ABLIM1: variants seen among roughly 807,000 people sequenced by gnomAD.
ABLIM1 encodes the protein actin-binding LIM protein 1.
Under a neutral mutation model 107.0 loss-of-function variants are expected in ABLIM1, and 40 were observed. The observed-to-expected ratio is 0.37, with a 90% CI of 0.29 to 0.49. The LOEUF is 0.49. Among genes scored for constraint, ABLIM1 ranks in the 20% least tolerant of loss-of-function variants. The pLI is 0.97. For missense variants in ABLIM1, 857 were observed against 1,008.5 expected (o/e 0.85, Z 2.04); for synonymous variants, 357 against 357.3 (o/e 1.00, Z 0.01).
At chr10:114,731,712 C>A (rs183351991) in intron 1 of ABLIM1, among the ~76,000 whole-genome samples, 6 of 152,022 alleles carry the variant, frequency 3.9e-5, no homozygotes, top group African/African-American at 1.4e-4. Flanking sequence ...TAGGTTCAAG[C>A]GATTCTCCTG....
intron 4 of ABLIM1, among the ~76,000 whole-genome samples, chr10:114,553,192 T>C (rs1240010109): frequency 1.3e-5 from 2 of 152,044 alleles, no homozygotes; most frequent in African/African-American, 2.4e-5. Flanking sequence ...GGGCTAGCTA[T>C]AAAAAAAGAG....
intron 4 of ABLIM1, among the ~76,000 whole-genome samples, chr10:114,565,594 A>G (rs936664897): frequency 6.6e-6 from 1 of 152,116 alleles, no homozygotes; most frequent in African/African-American, 2.4e-5. Context: ...GCCAGGGCAG[A>G]TCTTTCCTAC....
intron 1 of ABLIM1, among the ~76,000 whole-genome samples, chr10:114,710,235 A>G (rs1024557228): frequency 3.9e-5 from 6 of 152,184 alleles, no homozygotes; most frequent in African/African-American, 1.4e-4. Context: ...CCTCGGCAAC[A>G]TGGTGAAATC....
the ABLIM1 span, chr10:114,775,987 A>G: frequency 6.6e-6 from 1 of 152,192 alleles, no homozygotes; most frequent in Admixed American, 6.5e-5. Context: ...AAGGAGTATA[A>G]AGCTACAGTG....
intron 6 of ABLIM1, among the ~76,000 whole-genome samples, chr10:114,510,354 G>T (rs773662145): frequency 1.7e-4 from 25 of 150,474 alleles, no homozygotes; most frequent in Non-Finnish European, 3.4e-4. Context: ...CATTTTCTTT[G>T]ATTTGCATGT....
In ABLIM1 at chr10:114,465,812, G is replaced by A. The variant is rs879153185; in HGVS notation, c.1327C>T (p.Arg443Trp). ...GTGGACCGATGGATCATCCGATCCC[G>A]AACATCCTGGTACCCCTGGAAACAA... ...TPSAEGYQDV[R>W]DRMIHRSTSQ... Residue 443 changes from arginine (R) to tryptophan (W), a missense_variant, in exon 12 of 23, where the codon CGG becomes TGG. By Grantham distance (101) the Arg-to-Trp change is moderately radical. Transcript: ENST00000533213. 1 of 1,614,026 alleles carries A rather than the reference G, an allele frequency of 6.2e-7. No homozygotes were observed. Among genetic ancestry groups the A allele is most frequent in the Non-Finnish European group, 8.5e-7 (1 of 1,179,984 alleles).
At chr10:114,478,277 A>C (rs142157979) in intron 8 of ABLIM1, among the ~76,000 whole-genome samples, 248 of 152,318 alleles carry the variant, frequency 1.6e-3, no homozygotes, top group African/African-American at 5.5e-3. Context: ...GGCAGTTTTC[A>C]AAGTCAGGTG....
intron 1 of ABLIM1, among the ~76,000 whole-genome samples, chr10:114,767,360 T>C (rs1242334008): frequency 6.6e-6 from 1 of 152,244 alleles, no homozygotes; most frequent in Non-Finnish European, 1.5e-5. Flanking sequence ...GCTCGCAAGC[T>C]GCAGAATGAC....
intron 6 of ABLIM1, among the ~76,000 whole-genome samples, chr10:114,511,078 G>T (rs1322642714): frequency 2.0e-5 from 3 of 151,968 alleles, no homozygotes; most frequent in Non-Finnish European, 4.4e-5. Context: ...TAAAGTTTAA[G>T]TTCCATTAAG....
At chr10:114,547,798 T>A in intron 4 of ABLIM1, 22 bp from the exon 5 acceptor site, 1 of 1,603,570 alleles carries the variant, frequency 6.2e-7, no homozygotes, top group Non-Finnish European at 8.5e-7. Flanking sequence ...CAGCCGCCAG[T>A]GGTTACTACA....
chr10:114,731,202 A>G (rs1420712632), intron 1 of ABLIM1, among the ~76,000 whole-genome samples: 3 of 151,968 alleles, frequency 2.0e-5, no homozygotes, highest in Admixed American at 2.0e-4. Context: ...GTGCAGTGGC[A>G]TGATCTTGGC....
intron 1 of ABLIM1, among the ~76,000 whole-genome samples, chr10:114,635,084 G>A (rs61867922): frequency 6.6e-6 from 1 of 152,148 alleles, no homozygotes; most frequent in Non-Finnish European, 1.5e-5. Flanking sequence ...GATTTCCAAA[G>A]AACTTATCTC....
rs533906237 is a variant in ABLIM1 at position 114,566,598 on chromosome 10, G to A, written c.673+4699C>T. On this transcript the variant is annotated intron_variant, in intron 4 of 22. Transcript: ENST00000533213. ...TAATAAAACAATCTAGTTAATGTTC[G>A]TCAAAACCCTGTGTGCTAACTTTCA... 6.0e-4 allele frequency among the ~76,000 whole-genome samples: 91 copies of A among 152,212 alleles called. 2 individuals are homozygous for A. The highest frequency in any genetic ancestry group is 2.4e-3 in the Admixed American group (36 of 15,294).
intron 1 of ABLIM1, among the ~76,000 whole-genome samples, chr10:114,637,236 C>T (rs907412495): frequency 4.0e-5 from 6 of 151,864 alleles, no homozygotes; most frequent in Admixed American, 6.6e-5. Flanking sequence ...TTGCAAAGCA[C>T]GAGGATAGAC....
chr10:114,568,542 A>C (rs2071153448), intron 4 of ABLIM1, among the ~76,000 whole-genome samples: 1 of 152,226 alleles, frequency 6.6e-6, no homozygotes, highest in African/African-American at 2.4e-5. Context: ...ACTTGCCAGA[A>C]ATTCCCATTG....
At chr10:114,475,204 C>T (rs1590140449) in intron 8 of ABLIM1, among the ~76,000 whole-genome samples, 1 of 152,180 alleles carries the variant, frequency 6.6e-6, no homozygotes, top group East Asian at 1.9e-4. Context: ...GCGCACAAAG[C>T]TGCCTCGGAG....
chr10:114,786,871 T>A, the ABLIM1 span, among the ~76,000 whole-genome samples: 1 of 152,174 alleles, frequency 6.6e-6, no homozygotes, highest in South Asian at 2.1e-4. Context: ...GCAGCCTGCC[T>A]TGGCCTCCCA....
chr10:114,566,258 C>T (rs1026327302), intron 4 of ABLIM1, among the ~76,000 whole-genome samples: 16 of 152,132 alleles, frequency 1.1e-4, no homozygotes, highest in East Asian at 1.9e-4. Flanking sequence ...CAAACCCACA[C>T]GCCATCAGAC....
In ABLIM1 at chr10:114,635,148, G is replaced by A. The variant is rs151241836; in HGVS notation, c.244+22809C>T. Among the ~76,000 whole-genome samples the A allele has an allele frequency of 4.9e-3, 744 of 152,232 alleles. 7 individuals are homozygous for A. Among genetic ancestry groups the A allele is most frequent in the African/African-American group, 0.017 (686 of 41,550 alleles). On this transcript the variant is annotated intron_variant, in intron 1 of 22. Transcript: ENST00000533213. Reference sequence around the variant, plus strand: ...CTTCATAATACGGACACCAACCCACGGTTTTATTTGTTGTTTTCTGCCCCA... The same window carrying A: ...CTTCATAATACGGACACCAACCCACAGTTTTATTTGTTGTTTTCTGCCCCA...
Sources: allele counts gnomAD v4.1 joint callset (sites outside exome capture counted in the v4.1 genomes callset), GRCh38; gene constraint gnomAD v4.1.1; transcripts MANE v1.5; gene names NCBI Gene and HGNC (gene_info 2026-07-23, HGNC 2026-07-21).